Variants in PRKG1 observed in about 807,000 individuals in gnomAD.
PRKG1 encodes cGMP-dependent protein kinase 1.
PRKG1 carries 35 observed loss-of-function variants against 88.1 expected under a neutral mutation model. That is an observed-to-expected ratio of 0.40 (90% CI 0.30 to 0.53). PRKG1 has a LOEUF of 0.53. Among genes scored for constraint, PRKG1 ranks in the 20% least tolerant of loss-of-function variants. The probability of loss-of-function intolerance (pLI) is 0.59; values close to 1 mark genes in which losing one functional copy is unlikely to be tolerated. For missense variants in PRKG1, 540 were observed against 839.8 expected (o/e 0.64, Z 4.41); for synonymous variants, 303 against 292.5 (o/e 1.04, Z -0.37).
intron 3 of PRKG1, among the ~76,000 whole-genome samples, chr10:51,788,602 G>T (rs1336630398): frequency 1.3e-5 from 2 of 152,074 alleles, no homozygotes; most frequent in South Asian, 4.1e-4. Flanking sequence ...GAAAATAAAC[G>T]CCAAATAGTA....
At chr10:52,125,949 G>T (rs1847921979) in intron 7 of PRKG1, 1 of 152,154 alleles carries the variant, frequency 6.6e-6, no homozygotes, top group Non-Finnish European at 1.5e-5. Flanking sequence ...GCTAATGGTT[G>T]GGGAGCATAT....
rs182840424 is a variant in PRKG1 at position 52,228,653 on chromosome 10, T to C, written c.1077-22917T>C. On this transcript the variant is annotated intron_variant, in intron 9 of 17. Coordinates refer to ENST00000373980, the MANE Select transcript of PRKG1 (RefSeq NM_006258.4). Reference sequence around the variant, plus strand: ...CAGTGCCAGGCACGTAAGTAGCTGCTCAGTTTTAGTGGAGCACATGGACCT... The same window carrying C: ...CAGTGCCAGGCACGTAAGTAGCTGCCCAGTTTTAGTGGAGCACATGGACCT... Among the ~76,000 whole-genome samples the C allele has an allele frequency of 2.0e-5, 3 of 152,324 alleles. No homozygotes were observed. In the East Asian group the frequency reaches 5.8e-4, roughly 29 times the overall value.
At chr10:51,715,727 C>G (rs1480406477) in intron 3 of PRKG1, among the ~76,000 whole-genome samples, 1 of 152,116 alleles carries the variant, frequency 6.6e-6, no homozygotes, top group Non-Finnish European at 1.5e-5. Context: ...ATTCACCCTG[C>G]CTTATATCTA....
In PRKG1 at chr10:51,828,142, C is replaced by A. The variant is rs140669172; in HGVS notation, c.698+23452C>A. On this transcript the variant is annotated intron_variant, in intron 4 of 17. Coordinates refer to ENST00000373980, the MANE Select transcript of PRKG1 (RefSeq NM_006258.4). The stretch of plus-strand genomic sequence containing the variant: ...TTGGAGCAAAAGTAATTGGTGCAAC[C>A]TTTGGATCAACCTAATAGAATAAAT... 3.5e-3 allele frequency among the ~76,000 whole-genome samples: 536 copies of A among 152,110 alleles called. 1 individual carries two copies. The highest frequency in any genetic ancestry group is 0.011 in the African/African-American group (447 of 41,516).
intron 7 of PRKG1, among the ~76,000 whole-genome samples, chr10:52,120,602 A>G (rs947776809): frequency 1.3e-5 from 2 of 152,204 alleles, no homozygotes; most frequent in South Asian, 2.1e-4. Context: ...ACTGATCCCA[A>G]GTAAGCCCAA....
At chr10:51,489,180 G>A (rs918280623) in intron 3 of PRKG1, among the ~76,000 whole-genome samples, 12 of 152,086 alleles carry the variant, frequency 7.9e-5, no homozygotes, top group Non-Finnish European at 1.3e-4. Context: ...AAATAACACA[G>A]CAATTACAGC....
intron 7 of PRKG1, among the ~76,000 whole-genome samples, chr10:52,082,555 G>A (rs1049570452): frequency 5.3e-5 from 8 of 152,268 alleles, no homozygotes; most frequent in African/African-American, 1.7e-4. Context: ...GCAAGCTGGT[G>A]TGAGGGAGCT....
chr10:51,420,625 T>G (rs969837061), intron 2 of PRKG1, among the ~76,000 whole-genome samples: 4 of 152,188 alleles, frequency 2.6e-5, no homozygotes, highest in Non-Finnish European at 4.4e-5. Context: ...TGACAAAGGT[T>G]TCACAACTTT....
Position 51,699,657 on chromosome 10 carries a change from A to G in PRKG1, c.593-104928A>G, listed in dbSNP as rs1371007881. 3 of 1,283,872 alleles carry G rather than the reference A, an allele frequency of 2.3e-6. No homozygotes were observed. The African/African-American group carries it at 4.5e-5, about 19-fold the overall frequency. 79.5% of individuals were successfully genotyped at this position (1,283,872 alleles called of 1,614,324 possible). A position where few individuals can be genotyped will look rare whatever the true frequency, so the allele number is the denominator to read the frequency against. On this transcript the variant is annotated intron_variant, in intron 3 of 17. Transcript: ENST00000373980. ...AGCGGCTTTCAAGATCCGGGCAGAA[A>G]CTTTACTAATTCGCTTGAATCGTTC...
chr10:52,014,786 CA>C (rs1357095241), intron 5 of PRKG1, among the ~76,000 whole-genome samples: 1 of 152,194 alleles, frequency 6.6e-6, no homozygotes, highest in Non-Finnish European at 1.5e-5. Context: ...TTGGCCAAAA[CA>C]AAGGGGCCAC....
At chr10:51,318,878 T>C (rs1015647837) in intron 2 of PRKG1, among the ~76,000 whole-genome samples, 21 of 152,240 alleles carry the variant, frequency 1.4e-4, no homozygotes, top group Admixed American at 5.9e-4. Context: ...TTCATTTTGT[T>C]GACAGAAGTC....
At chr10:51,718,889 G>T (rs942593989) in intron 3 of PRKG1, among the ~76,000 whole-genome samples, 7 of 151,100 alleles carry the variant, frequency 4.6e-5, no homozygotes, top group African/African-American at 1.7e-4. Context: ...GCTCATGCCT[G>T]TAATCTCTGC....
At chr10:51,766,051 G>A (rs1386623674) in intron 3 of PRKG1, among the ~76,000 whole-genome samples, 1 of 151,986 alleles carries the variant, frequency 6.6e-6, no homozygotes, top group Non-Finnish European at 1.5e-5. Flanking sequence ...GCACCACAAT[G>A]TAGCAGTCTC....
chr10:51,941,794 T>C (rs1336707506), intron 5 of PRKG1, among the ~76,000 whole-genome samples: 1 of 151,914 alleles, frequency 6.6e-6, no homozygotes, highest in Non-Finnish European at 1.5e-5. Flanking sequence ...CATCCTTTTT[T>C]ATGGCTGCAT....
At chr10:51,946,944 T>A (rs545654219) in intron 5 of PRKG1, among the ~76,000 whole-genome samples, 6 of 152,216 alleles carry the variant, frequency 3.9e-5, no homozygotes, top group African/African-American at 1.4e-4. Context: ...AGTCTGCCTG[T>A]TCTCAGATCT....
At chr10:52,244,608 T>A (rs2132385517) in intron 9 of PRKG1, among the ~76,000 whole-genome samples, 1 of 150,124 alleles carries the variant, frequency 6.7e-6, no homozygotes, top group East Asian at 1.9e-4. Context: ...CTTTTATTGG[T>A]TCAGTTTTCA....
At chr10:51,889,251 T>A in intron 4 of PRKG1, among the ~76,000 whole-genome samples, 1 of 124,222 alleles carries the variant, frequency 8.1e-6, no homozygotes, top group Non-Finnish European at 1.6e-5. Flanking sequence ...GATGTTCCCC[T>A]TCCTGTGTCC....
At chr10:52,129,624 G>A (rs1589632306) in intron 7 of PRKG1, among the ~76,000 whole-genome samples, 1 of 152,142 alleles carries the variant, frequency 6.6e-6, no homozygotes, top group East Asian at 1.9e-4. Context: ...GGCAACATGA[G>A]TTTGCCATTG....
chr10:51,883,424 T>C (rs982948792), intron 4 of PRKG1, among the ~76,000 whole-genome samples: 2 of 152,240 alleles, frequency 1.3e-5, no homozygotes, highest in African/African-American at 4.8e-5. Flanking sequence ...TCTGTTTATC[T>C]TGAGAACCCT....
Sources: allele counts gnomAD v4.1 joint callset (sites outside exome capture counted in the v4.1 genomes callset), GRCh38; gene constraint gnomAD v4.1.1; transcripts MANE v1.5; gene names NCBI Gene and HGNC (gene_info 2026-07-23, HGNC 2026-07-21).